Variants in RBM33 observed in about 807,000 individuals in gnomAD.
The protein encoded by RBM33 is RNA-binding protein 33.
A neutral mutation model predicts 132.6 loss-of-function variants in RBM33; 28 were observed. The observed-to-expected ratio is 0.21, with a 90% CI of 0.16 to 0.29. RBM33 has a LOEUF of 0.29. RBM33 is among the 10% of genes least tolerant of loss of function. The pLI, the probability that RBM33 is intolerant of heterozygous loss-of-function variation, is 1.00. For missense variants in RBM33, 1,291 were observed against 1,518.5 expected (o/e 0.85, Z 2.49); for synonymous variants, 634 against 593.0 (o/e 1.07, Z -1.01).
chr7:155,724,990 T>TTTTTG (rs71186056), intron 9 of RBM33, among the ~76,000 whole-genome samples: 58 of 123,364 alleles, frequency 4.7e-4, no homozygotes, highest in African/African-American at 1.8e-3. Context: ...GTGTACAGGT[T>TTTTTG]TGTGTGTGTG....
intron 3 of RBM33, among the ~76,000 whole-genome samples, chr7:155,676,693 C>A (rs963825017): frequency 6.6e-6 from 1 of 152,178 alleles, no homozygotes; most frequent in Non-Finnish European, 1.5e-5. Context: ...TGAGCAGAAC[C>A]CCCTGGAGCC....
intron 14 of RBM33, among the ~76,000 whole-genome samples, chr7:155,760,799 T>C (rs930627779): frequency 6.6e-6 from 1 of 152,186 alleles, no homozygotes; most frequent in Non-Finnish European, 1.5e-5. Context: ...CCCTGCCTGG[T>C]GGGATACCTA....
chr7:155,714,235 T>G (rs1800394179), intron 8 of RBM33, among the ~76,000 whole-genome samples: 1 of 152,070 alleles, frequency 6.6e-6, no homozygotes, highest in South Asian at 2.1e-4. Context: ...AGGGTCATAG[T>G]TTTCACAAAG....
chr7:155,656,492 A>G (rs938255598), intron 1 of RBM33, among the ~76,000 whole-genome samples: 2 of 152,238 alleles, frequency 1.3e-5, no homozygotes, highest in Admixed American at 6.5e-5. Flanking sequence ...GTTTGAAAAG[A>G]CAAAGTACTT....
chr7:155,701,327 C>T, intron 6 of RBM33: 1 of 307,426 alleles, frequency 3.3e-6, no homozygotes, highest in Non-Finnish European at 5.9e-6. Flanking sequence ...GAATTCTGGA[C>T]AAGACCGGTT....
chr7:155,766,693 T>G, intron 16 of RBM33, 38 bp downstream of exon 16: 2 of 1,574,486 alleles, frequency 1.3e-6, no homozygotes, highest in Non-Finnish European at 1.7e-6. Context: ...CACGGGTAGT[T>G]GTGTCCCAAG....
chr7:155,763,961 A>C lies in RBM33; in HGVS notation c.3129A>C (p.Ala1043=). ...QPPHLPAGPH[A]HSPVPPGIKS... is the part of the protein sequence containing the mutation. Reference sequence around the variant, plus strand: ...CACATCTGCCAGCGGGGCCCCACGCACACTCGCCTGTCCCTCCAGGGATCA... The same window carrying C: ...CACATCTGCCAGCGGGGCCCCACGCCCACTCGCCTGTCCCTCCAGGGATCA... The change falls in exon 15 of 18, where the codon GCA becomes GCC. Residue 1043 remains alanine, a synonymous_variant. Transcript: ENST00000401878. The C allele has an allele frequency of 6.3e-7, 1 of 1,597,092 alleles. No individual in the cohort carries two copies. The highest frequency in any genetic ancestry group is 8.5e-7 in the Non-Finnish European group (1 of 1,172,100).
At chr7:155,649,386 G>A (rs1379935852) in intron 1 of RBM33, among the ~76,000 whole-genome samples, 1 of 152,140 alleles carries the variant, frequency 6.6e-6, no homozygotes, top group Non-Finnish European at 1.5e-5. Context: ...CTGGCACATA[G>A]CATGTGTTAG....
rs772878785 is a variant in RBM33, at chr7:155,711,342, C to T, written c.1088C>T (p.Pro363Leu). 2 of 1,604,278 alleles carry T rather than the reference C, an allele frequency of 1.2e-6. No individual in the cohort carries two copies. Among genetic ancestry groups the T allele is most frequent in the Admixed American group, 3.4e-5 (2 of 58,398 alleles). The change falls in exon 8 of 18, where the codon CCC becomes CTC. Residue 363 changes from proline to leucine, a missense_variant. Pro to Leu is a moderately conservative substitution (Grantham distance 98). Around this residue, in one of 7 missense-constraint regions of RBM33, gnomAD observed 146 missense variants for 137.1 expected, o/e 1.07. Transcript: ENST00000401878. The part of the protein sequence containing the change: ...PSPPQGMHMP[P>L]QLETPRMMMT... ...CCGCCTCAGGGAATGCACATGCCTC[C>T]CCAGCTAGAGACCCCAAGGATGATG...
intron 5 of RBM33, among the ~76,000 whole-genome samples, chr7:155,681,194 A>G (rs565861411): frequency 5.6e-4 from 85 of 152,356 alleles, no homozygotes; most frequent in Non-Finnish European, 1.1e-3. Flanking sequence ...TACACTGTCA[A>G]TTGTTAGGAG....
chr7:155,669,985 G>A (rs938102357), intron 2 of RBM33, among the ~76,000 whole-genome samples: 1 of 152,176 alleles, frequency 6.6e-6, no homozygotes, highest in African/African-American at 2.4e-5. Context: ...CAGGTAAGAC[G>A]GAGAGTGGAC....
intron 9 of RBM33, among the ~76,000 whole-genome samples, chr7:155,724,986 A>C (rs1419042928): frequency 8.1e-6 from 1 of 122,952 alleles, no homozygotes; most frequent in African/African-American, 3.4e-5. Flanking sequence ...ATTTGTGTAC[A>C]GGTTTGTGTG....
rs755419245 is a variant in RBM33, at chr7:155,707,008, C to T, written c.888C>T (p.Thr296=). ...RGVGDQRRES[T]ERGRMKDHRP... ...TGGGGGACCAGAGGAGAGAGAGCAC[C>T]GAGAGGGGCAGGATGAAGGACCACA... is the stretch of plus-strand genomic sequence containing the variant. Residue 296 remains threonine, a synonymous_variant, in exon 7 of 18, where the codon ACC becomes ACT. Coordinates refer to ENST00000401878, the MANE Select transcript of RBM33 (RefSeq NM_053043.3). 63 of 1,583,822 alleles carry T rather than the reference C, an allele frequency of 4.0e-5. No homozygotes were observed. The highest frequency in any genetic ancestry group is 5.0e-5 in the Non-Finnish European group (58 of 1,165,048).
chr7:155,748,459 A>T (rs1004702829), intron 14 of RBM33, among the ~76,000 whole-genome samples: 1 of 152,242 alleles, frequency 6.6e-6, no homozygotes, highest in African/African-American at 2.4e-5. Context: ...TCACATGTTT[A>T]TGAAAGCACA....
rs138770756 is a variant in RBM33 at position 155,717,442 on chromosome 7, A to G, written c.1202-943A>G. ...AGGGCCTAGACCTCATTTGACCTCA[A>G]TTACCTCTTTTAAAGACCTAATCAG... On this transcript the variant is annotated intron_variant, in intron 8 of 17. Coordinates refer to ENST00000401878, the MANE Select transcript of RBM33 (RefSeq NM_053043.3). Among the ~76,000 whole-genome samples, 51 of 144,614 alleles carry G rather than the reference A, an allele frequency of 3.5e-4. 1 individual carries two copies. The Middle Eastern group carries it at 0.03, about 86-fold the overall frequency. The allele number at this position is 144,614 out of a possible 152,430, so 94.9% of individuals were successfully genotyped here.
chr7:155,673,940 G>GTTGTTGTTTGTTTGTTTTTTTTTT, intron 3 of RBM33, among the ~76,000 whole-genome samples: 2 of 54,196 alleles, frequency 3.7e-5, no homozygotes, highest in East Asian at 1.4e-3. Flanking sequence ...TTTAGGCTTA[G>GTTGTTGTTTGTTTGTTTTTTTTTT]TTTTTTTTTT....
chr7:155,648,914 T>A (rs1319549545), intron 1 of RBM33, among the ~76,000 whole-genome samples: 8 of 152,234 alleles, frequency 5.3e-5, no homozygotes, highest in Non-Finnish European at 1.2e-4. Context: ...ATGTCACTTC[T>A]CTCTTGGTGT....
intron 1 of RBM33, among the ~76,000 whole-genome samples, chr7:155,658,297 G>A (rs10246957): frequency 0.78 from 119,116 of 152,048 alleles, 47,254 homozygotes; most frequent in African/African-American, 0.9. Flanking sequence ...TACTATTTGC[G>A]TGAAATATCT....
At position 155,707,025 on chromosome 7, in the gene RBM33, A is replaced by G. The variant is rs1585465664; in HGVS notation, c.905A>G (p.Lys302Arg). 9.5e-6 allele frequency: 15 copies of G among 1,574,286 alleles called. No individual in the cohort carries two copies. Among genetic ancestry groups the G allele is most frequent in the Non-Finnish European group, 1.3e-5 (15 of 1,159,822 alleles). The part of the protein sequence containing the change: ...RRESTERGRM[K>R]DHRPALLPTQ... Reference sequence around the variant, plus strand: ...GAGAGCACCGAGAGGGGCAGGATGAAGGACCACAGACCTGCGCTGCTTCCT... The same window carrying G: ...GAGAGCACCGAGAGGGGCAGGATGAGGGACCACAGACCTGCGCTGCTTCCT... The change falls in exon 7 of 18, where the codon AAG becomes AGG. Residue 302 changes from lysine (K) to arginine (R), a missense_variant. Lys to Arg is a conservative substitution (Grantham distance 26, BLOSUM62 2). Around this residue, in one of 7 missense-constraint regions of RBM33, gnomAD observed 146 missense variants for 137.1 expected, o/e 1.07. Coordinates refer to ENST00000401878, the MANE Select transcript of RBM33 (RefSeq NM_053043.3).
Sources: gnomAD v4.1 joint callset for allele counts (sites outside exome capture counted in the v4.1 genomes callset) on GRCh38, gnomAD v4.1.1 for gene constraint, gnomAD v4.1.1 regional missense constraint, MANE v1.5 for transcripts, NCBI Gene and HGNC (gene_info 2026-07-23, HGNC 2026-07-21) for gene names.